CPM: variants seen among roughly 807,000 people sequenced by gnomAD.
CPM encodes the protein carboxypeptidase M, also known as renal carboxypeptidase.
CPM carries 35 observed loss-of-function variants against 46.4 expected under a neutral mutation model. That is an observed-to-expected ratio of 0.75 (90% confidence interval 0.58 to 1.00). The LOEUF is 1.00. Ranked by LOEUF, CPM falls within the 50% of genes least tolerant of loss-of-function variation. The probability of loss-of-function intolerance (pLI) is 0.00; values close to 1 mark genes in which losing one functional copy is unlikely to be tolerated. For missense variants in CPM, 422 were observed against 530.4 expected, an observed-to-expected ratio of 0.80 and a Z score of 2.01; for synonymous variants, 195 against 195.3, an observed-to-expected ratio of 1.00 and a Z score of 0.01.
chr12:68,932,932 C>CGGGAG, intron 1 of CPM, 92 bp from the exon 2 acceptor site: 1 of 1,162,876 alleles, frequency 8.6e-7, no homozygotes, highest in Non-Finnish European at 1.2e-6. Flanking sequence ...GTCTCAGGGT[C>CGGGAG]TCCCGACACT....
Position 68,871,645 on chromosome 12 carries a change from C to T in CPM, c.431+139G>A, listed in dbSNP as rs1885699554. ...GGAGGCAGCCCTGATGTGCCTTGAGCTTTGGCACATCAGCGACATGACACC... is the reference window on the plus strand; with the variant it reads ...GGAGGCAGCCCTGATGTGCCTTGAGTTTTGGCACATCAGCGACATGACACC... On this transcript the variant is annotated intron_variant, in intron 4 of 8. Coordinates refer to ENST00000551568, the MANE Select transcript of CPM (RefSeq NM_198320.5). 3.2e-6 allele frequency: 3 copies of T among 928,586 alleles called. No homozygotes were observed. In the Middle Eastern group the frequency reaches 7.4e-4, roughly 230 times the overall value. 57.5% of individuals were successfully genotyped at this position (928,586 alleles called of 1,614,324 possible).
rs760786418 is a variant in CPM, at chr12:68,885,851, T to C, written c.199A>G (p.Lys67Glu). ...TCTGGAATCCCAATTCTGTGTTCCT[T>C]TGGAAACCGCCCCACAACAAGAACC... ...LWVLVVGRFP[K>E]EHRIGIPEFK... The change falls in exon 3 of 9, where the codon AAG (lysine) becomes GAG (glutamate). Residue 67 changes from lysine to glutamate, a missense_variant. Transcript: ENST00000551568. The C allele has an allele frequency of 2.5e-6, 4 of 1,614,056 alleles. No homozygotes were observed. Among genetic ancestry groups the C allele is most frequent in the Non-Finnish European group, 3.4e-6 (4 of 1,180,024 alleles).
rs1371678647 is a variant in CPM, at chr12:68,908,379, T to C, written c.161-22490A>G. On this transcript the variant is annotated intron_variant, in intron 2 of 8. Transcript: ENST00000551568. ...ACCTACAGCCATTATGACCTGAATC[T>C]ACTCCACAGGACACAGCTTTTTTTT... Among the ~76,000 whole-genome samples, 4 of 151,614 alleles carry C rather than the reference T, an allele frequency of 2.6e-5. No homozygotes were observed. The East Asian group carries it at 7.7e-4, about 29-fold the overall frequency.
chr12:68,943,662 C>T (rs1165965771), intron 1 of CPM, among the ~76,000 whole-genome samples: 1 of 152,116 alleles, frequency 6.6e-6, no homozygotes, highest in African/African-American at 2.4e-5. Flanking sequence ...TATAGATTTG[C>T]AAGAAAGCTT....
At chr12:68,877,266 G>C (rs1039674070) in intron 3 of CPM, among the ~76,000 whole-genome samples, 1 of 152,000 alleles carries the variant, frequency 6.6e-6, no homozygotes, top group Non-Finnish European at 1.5e-5. Flanking sequence ...CCGAAGTCAG[G>C]GACCTTCACG....
At chr12:68,915,619 G>A (rs1479565506) in intron 2 of CPM, among the ~76,000 whole-genome samples, 1 of 152,182 alleles carries the variant, frequency 6.6e-6, no homozygotes, top group Non-Finnish European at 1.5e-5. Context: ...AACGAACAAA[G>A]CCCCATTACA....
At chr12:68,907,502 A>G (rs1247445727) in intron 2 of CPM, among the ~76,000 whole-genome samples, 1 of 152,152 alleles carries the variant, frequency 6.6e-6, no homozygotes, top group African/African-American at 2.4e-5. Context: ...AGGCAAACAC[A>G]TGTGTTTGAT....
chr12:68,912,081 C>T (rs1887619080), intron 2 of CPM: 1 of 152,240 alleles, frequency 6.6e-6, no homozygotes. Context: ...GATCTCAGCT[C>T]ACTGCAACCT....
intron 5 of CPM, chr12:68,845,546 TAGAG>T (rs973629676): frequency 1.6e-5 from 3 of 187,570 alleles, no homozygotes; most frequent in Admixed American, 1.2e-4. Context: ...TGATTGTCTT[TAGAG>T]AGAGGAGTGG....
intron 1 of CPM, among the ~76,000 whole-genome samples, chr12:68,939,078 A>G (rs1333247421): frequency 2.7e-5 from 4 of 146,644 alleles, no homozygotes; most frequent in Non-Finnish European, 4.5e-5. Flanking sequence ...ACATCTATAT[A>G]TGTATACACA....
intron 2 of CPM, among the ~76,000 whole-genome samples, chr12:68,899,348 C>A (rs1403111257): frequency 6.6e-6 from 1 of 152,220 alleles, no homozygotes; most frequent in African/African-American, 2.4e-5. Context: ...AACTGGGAAG[C>A]CGCATGTTGC....
chr12:68,941,846 G>A (rs1166346502), intron 1 of CPM, among the ~76,000 whole-genome samples: 1 of 152,018 alleles, frequency 6.6e-6, no homozygotes, highest in Non-Finnish European at 1.5e-5. Flanking sequence ...CAGCAAAACC[G>A]GATTTGTTTG....
At chr12:68,904,575 A>T (rs1887257244) in intron 2 of CPM, among the ~76,000 whole-genome samples, 2 of 152,218 alleles carry the variant, frequency 1.3e-5, no homozygotes. Flanking sequence ...TACATCAGCA[A>T]TGCTGAGCAA....
Position 68,961,765 on chromosome 12 carries a change from G to A in CPM, c.-4+1404C>T, listed in dbSNP as rs28893262. ...CCCATCTCTACTAAATAAACAAACA[G>A]ACAAACAACAACAAAAAACTCAACA... On this transcript the variant is annotated intron_variant, in intron 1 of 8. Transcript: ENST00000546373. Among the ~76,000 whole-genome samples the A allele has an allele frequency of 3.2e-4, 48 of 151,334 alleles. No individual in the cohort carries two copies. In the South Asian group the frequency reaches 7.3e-3, roughly 23 times the overall value.
intron 4 of CPM, among the ~76,000 whole-genome samples, chr12:68,871,417 G>A (rs1337164301): frequency 6.6e-6 from 1 of 152,158 alleles, no homozygotes; most frequent in Non-Finnish European, 1.5e-5. Flanking sequence ...ATGACAGGTC[G>A]AGAGAAAGAG....
chr12:68,935,383 C>G (rs1382092523), upstream of CPM, among the ~76,000 whole-genome samples: 1 of 152,162 alleles, frequency 6.6e-6, no homozygotes, highest in Non-Finnish European at 1.5e-5. Flanking sequence ...GTTTCAGCCT[C>G]TAACGTACCT....
intron 1 of CPM, among the ~76,000 whole-genome samples, chr12:68,939,575 C>T (rs2136329622): frequency 6.6e-6 from 1 of 152,048 alleles, no homozygotes; most frequent in African/African-American, 2.4e-5. Flanking sequence ...TATAGCATCT[C>T]ACCAATTTTC....
intron 3 of CPM, among the ~76,000 whole-genome samples, chr12:68,878,926 G>C (rs1886073467): frequency 1.3e-5 from 2 of 152,332 alleles, no homozygotes; most frequent in Middle Eastern, 3.4e-3. Context: ...AATGGCTCAA[G>C]CCTGTAATCC....
chr12:68,942,674 G>A (rs1261247661), intron 1 of CPM, among the ~76,000 whole-genome samples: 2 of 152,116 alleles, frequency 1.3e-5, no homozygotes, highest in Non-Finnish European at 2.9e-5. Flanking sequence ...CATTCTACAA[G>A]AGCCAAAAAT....
Sources: allele counts gnomAD v4.1 joint callset (sites outside exome capture counted in the v4.1 genomes callset), GRCh38; gene constraint gnomAD v4.1.1; transcripts MANE v1.5; gene names NCBI Gene and HGNC (gene_info 2026-07-23, HGNC 2026-07-21).